NRG1: variants seen among roughly 807,000 people sequenced by gnomAD.
NRG1 encodes the protein neuregulin 1.
NRG1 carries 18 observed loss-of-function variants against 63.8 expected under a neutral mutation model. The ratio of observed to expected loss-of-function variants is 0.28; its 90% CI spans 0.19 to 0.42. The LOEUF is 0.42. Among genes scored for constraint, NRG1 ranks in the 10% least tolerant of loss-of-function variants. The pLI is 1.00. For missense variants in NRG1, 762 were observed against 814.7 expected, an observed-to-expected ratio of 0.94 and a Z score of 0.79; for synonymous variants, 302 against 301.3, an observed-to-expected ratio of 1.00 and a Z score of -0.02.
At chr8:32,285,605 T>C (rs978013069) in intron 1 of NRG1, among the ~76,000 whole-genome samples, 3 of 152,200 alleles carry the variant, frequency 2.0e-5, no homozygotes, top group Non-Finnish European at 4.4e-5. Flanking sequence ...CAGGATTGGC[T>C]GAGGTTAGCA....
chr8:31,997,717 G>A (rs1458799557), intron 1 of NRG1, among the ~76,000 whole-genome samples: 2 of 151,858 alleles, frequency 1.3e-5, no homozygotes, highest in African/African-American at 2.4e-5. Context: ...GCTCTAACCT[G>A]CTGAACTAAC....
At chr8:31,919,788 A>G (rs1193943526) in intron 1 of NRG1, among the ~76,000 whole-genome samples, 1 of 152,112 alleles carries the variant, frequency 6.6e-6, no homozygotes, top group Non-Finnish European at 1.5e-5. Context: ...AGTAGAAGAA[A>G]GACAATAAGT....
rs1397896763 is a variant in NRG1 at position 31,917,110 on chromosome 8, T to A, written c.37+277679T>A. ...ATTGTAGATTCTGGATATTAGCCCT[T>A]TGTCAGATGAATAGGTTGCGAAAAT... is the stretch of plus-strand genomic sequence containing the variant. On this transcript the variant is annotated intron_variant, in intron 1 of 10. Transcript: ENST00000519301. 3.1e-5 allele frequency among the ~76,000 whole-genome samples: 4 copies of A among 130,542 alleles called. 1 individual carries two copies. The highest frequency in any genetic ancestry group is 6.5e-5 in the Non-Finnish European group (4 of 61,706). 85.6% of individuals were successfully genotyped at this position (130,542 alleles called of 152,430 possible).
At chr8:32,226,674 C>T (rs1846361356) in intron 1 of NRG1, among the ~76,000 whole-genome samples, 1 of 152,066 alleles carries the variant, frequency 6.6e-6, no homozygotes, top group African/African-American at 2.4e-5. Context: ...TGGCTCTTTT[C>T]CTGGGGCATA....
intron 1 of NRG1, among the ~76,000 whole-genome samples, chr8:32,042,293 T>A (rs1820184271): frequency 6.6e-6 from 1 of 150,644 alleles, no homozygotes; most frequent in Non-Finnish European, 1.5e-5. Flanking sequence ...AAAGAAAAAA[T>A]AAAAAAATAA....
At chr8:32,307,104 C>T (rs563854571) in intron 1 of NRG1, among the ~76,000 whole-genome samples, 6 of 152,194 alleles carry the variant, frequency 3.9e-5, no homozygotes, top group East Asian at 1.9e-4. Flanking sequence ...TATCTTAAAC[C>T]GCCCATGTGT....
At chr8:32,314,693 G>C (rs1317753380) in intron 1 of NRG1, among the ~76,000 whole-genome samples, 2 of 152,144 alleles carry the variant, frequency 1.3e-5, no homozygotes, top group African/African-American at 4.8e-5. Context: ...ACGAGGAAGG[G>C]AGCACATTTC....
chr8:32,598,000 G>A (rs1399156973), intron 2 of NRG1, among the ~76,000 whole-genome samples: 1 of 152,162 alleles, frequency 6.6e-6, no homozygotes, highest in Non-Finnish European at 1.5e-5. Flanking sequence ...AAGGAATGAA[G>A]TTATCTCTAC....
chr8:32,035,771 C>G (rs1257432958), intron 1 of NRG1, among the ~76,000 whole-genome samples: 1 of 151,980 alleles, frequency 6.6e-6, no homozygotes, highest in Non-Finnish European at 1.5e-5. Context: ...CTGCTTTTTT[C>G]TGTTTTCCAC....
At chr8:32,769,872 G>A (rs1228852025), downstream of NRG1, among the ~76,000 whole-genome samples, 1 of 152,116 alleles carries the variant, frequency 6.6e-6, no homozygotes, top group Non-Finnish European at 1.5e-5. Context: ...GGTAGCTATT[G>A]ATTTTGAACT....
Position 31,680,896 on chromosome 8 carries a change from A to G in NRG1, c.37+41465A>G, listed in dbSNP as rs575934992. ...TTCCTGCCCGCACACAGAACAGCGAACAGGGAGTTTTGCCCTCCCAGATAT... is the reference window on the plus strand; with the variant it reads ...TTCCTGCCCGCACACAGAACAGCGAGCAGGGAGTTTTGCCCTCCCAGATAT... On this transcript the variant is annotated intron_variant, in intron 1 of 10. Transcript: ENST00000519301. 3.9e-5 allele frequency among the ~76,000 whole-genome samples: 6 copies of G among 152,300 alleles called. No individual in the cohort carries two copies. The South Asian group carries it at 1.2e-3, about 32-fold the overall frequency.
chr8:32,464,297 A>G (rs1268599663), intron 1 of NRG1, among the ~76,000 whole-genome samples: 1 of 29,206 alleles, frequency 3.4e-5, no homozygotes, highest in Non-Finnish European at 6.3e-5. Context: ...CCACCCCACC[A>G]TGATGTCGTC....
chr8:31,716,004 C>G (rs910576534), intron 1 of NRG1, among the ~76,000 whole-genome samples: 1 of 152,060 alleles, frequency 6.6e-6, no homozygotes, highest in Non-Finnish European at 1.5e-5. Context: ...TTTTCCAAAG[C>G]TAGTGGAAGT....
chr8:32,535,926 A>G (rs932850910), intron 1 of NRG1, among the ~76,000 whole-genome samples: 2 of 152,204 alleles, frequency 1.3e-5, no homozygotes, highest in Admixed American at 6.5e-5. Flanking sequence ...GTAGCAGAGC[A>G]GAGATCATTA....
At chr8:32,039,167 A>G (rs2130620045) in intron 1 of NRG1, among the ~76,000 whole-genome samples, 1 of 152,294 alleles carries the variant, frequency 6.6e-6, no homozygotes, top group South Asian at 2.1e-4. Context: ...TATTTGTAGA[A>G]TTGTGTTAAT....
At chr8:31,935,540 G>A (rs1412581670) in intron 1 of NRG1, among the ~76,000 whole-genome samples, 6 of 152,156 alleles carry the variant, frequency 3.9e-5, no homozygotes, top group South Asian at 2.1e-4. Flanking sequence ...TTACAGGTGT[G>A]ACCCACTGTG....
intron 1 of NRG1, among the ~76,000 whole-genome samples, chr8:31,952,919 T>A (rs899919455): frequency 6.6e-6 from 1 of 152,248 alleles, no homozygotes; most frequent in Non-Finnish European, 1.5e-5. Flanking sequence ...GAATGAAAAT[T>A]AAAGGCTAGA....
intron 1 of NRG1, among the ~76,000 whole-genome samples, chr8:32,291,095 G>A (rs1854144394): frequency 6.6e-6 from 1 of 152,312 alleles, no homozygotes; most frequent in South Asian, 2.1e-4. Flanking sequence ...GTCCCAGTTT[G>A]AATACAATCA....
At chr8:32,736,565 C>G (rs1379174389) in intron 6 of NRG1, among the ~76,000 whole-genome samples, 1 of 152,148 alleles carries the variant, frequency 6.6e-6, no homozygotes, top group Non-Finnish European at 1.5e-5. Context: ...ACATAGGCAT[C>G]AAATAATTTC....
Sources: allele counts gnomAD v4.1 joint callset (sites outside exome capture counted in the v4.1 genomes callset), GRCh38; gene constraint gnomAD v4.1.1; transcripts MANE v1.5; gene names NCBI Gene and HGNC (gene_info 2026-07-23, HGNC 2026-07-21).